The following PRRX2 variants were observed in gnomAD, a reference collection of about 807,000 sequenced individuals.
PRRX2 encodes the protein paired related homeobox 2.
Under a neutral mutation model 18.0 loss-of-function variants are expected in PRRX2, and 11 were observed. The ratio of observed to expected loss-of-function variants is 0.61; its 90% CI spans 0.39 to 1.01. The LOEUF is 1.01. Ranked by LOEUF, PRRX2 falls within the 50% of genes least tolerant of loss-of-function variation. The pLI is 0.01. For missense variants in PRRX2, 387 were observed against 351.0 expected (o/e 1.10, Z -0.82); for synonymous variants, 177 against 154.8 (o/e 1.14, Z -1.06).
chr9:129,693,209 G>T (rs1171344048), intron 1 of PRRX2, among the ~76,000 whole-genome samples: 1 of 152,166 alleles, frequency 6.6e-6, no homozygotes, highest in Non-Finnish European at 1.5e-5. Flanking sequence ...TGAGGTGTCT[G>T]CTCAGGGCTT....
chr9:129,678,889 G>A (rs1029661652), intron 1 of PRRX2, among the ~76,000 whole-genome samples: 28 of 152,182 alleles, frequency 1.8e-4, no homozygotes, highest in African/African-American at 6.8e-4. Context: ...AGCTCGCTGG[G>A]CTGCCCCAGT....
intron 1 of PRRX2, 37 bp downstream of exon 1, chr9:129,666,163 C>T (rs1209995570): frequency 2.1e-5 from 12 of 574,430 alleles, no homozygotes; most frequent in Non-Finnish European, 2.4e-5. Context: ...GTGGCGGGGC[C>T]GGGGCCGGGG....
Position 129,693,007 on chromosome 9 carries a change from T to C in PRRX2, c.260-26224T>C, listed in dbSNP as rs190233916. On this transcript the variant is annotated intron_variant, in intron 1 of 3. Transcript: ENST00000372469. ...CCAAAGTGGCTGTACCATTTCGCAT[T>C]CTCGCCAGCAGTGGATGAGAGTTCC... is the stretch of plus-strand genomic sequence containing the variant. Among the ~76,000 whole-genome samples, 362 of 152,308 alleles carry C rather than the reference T, an allele frequency of 2.4e-3. 1 individual carries two copies. The highest frequency in any genetic ancestry group is 8.3e-3 in the African/African-American group (343 of 41,574).
intron 1 of PRRX2, among the ~76,000 whole-genome samples, chr9:129,712,483 C>G (rs1198406223): frequency 6.6e-6 from 1 of 152,182 alleles, no homozygotes; most frequent in Non-Finnish European, 1.5e-5. Context: ...GGTGGGAACA[C>G]TTGATCATTT....
chr9:129,698,584 A>G (rs61572801), intron 1 of PRRX2, among the ~76,000 whole-genome samples: 3 of 152,248 alleles, frequency 2.0e-5, no homozygotes, highest in South Asian at 2.1e-4. Context: ...ATGCACATCA[A>G]CTCAGAGACT....
At position 129,666,019 on chromosome 9, in the gene PRRX2, C is replaced by T. The variant is rs1407194222; in HGVS notation, c.152C>T (p.Ala51Val). The change falls in exon 1 of 4, where the codon GCG becomes GTG. Residue 51 changes from alanine to valine, a missense_variant. Transcript: ENST00000372469. ...CTCCTGGACCTGGAAGAGGTGGCGG[C>T]GGCCGGGCGGCTGGCGGCGCGCCCC... ...SHLLDLEEVA[A>V]AGRLAARPGA... is the part of the protein sequence containing the mutation. The T allele has an allele frequency of 3.8e-6, 4 of 1,059,826 alleles. No homozygotes were observed. The highest frequency in any genetic ancestry group is 1.7e-5 in the African/African-American group (1 of 58,240). 65.7% of individuals were successfully genotyped at this position (1,059,826 alleles called of 1,614,324 possible). A position where few individuals can be genotyped will look rare whatever the true frequency, so the allele number is the denominator to read the frequency against.
intron 3 of PRRX2, among the ~76,000 whole-genome samples, chr9:129,721,698 G>T (rs1339520328): frequency 6.6e-6 from 1 of 152,130 alleles, no homozygotes; most frequent in East Asian, 1.9e-4. Context: ...TCCTGCCTCA[G>T]CCTCTTGGGT....
intron 1 of PRRX2, among the ~76,000 whole-genome samples, chr9:129,703,681 A>G (rs2130926099): frequency 6.6e-6 from 1 of 152,274 alleles, no homozygotes; most frequent in South Asian, 2.1e-4. Flanking sequence ...AAAAAAGAAA[A>G]AAAATTAAGG....
chr9:129,670,862 C>CCCCTCTCCCCTTCCTTCCCCTT (rs1195257250), intron 1 of PRRX2, among the ~76,000 whole-genome samples: 1 of 152,222 alleles, frequency 6.6e-6, no homozygotes, highest in Non-Finnish European at 1.5e-5. Flanking sequence ...TCCTTCCCCT[C>CCCCTCTCCCCTTCCTTCCCCTT]CCCTCTCCCC....
chr9:129,683,518 G>A (rs752263445), intron 1 of PRRX2, among the ~76,000 whole-genome samples: 18 of 152,086 alleles, frequency 1.2e-4, no homozygotes, highest in African/African-American at 3.1e-4. Flanking sequence ...GGCGGATCAC[G>A]AGGTCAGGAG....
chr9:129,701,728 G>T lies in PRRX2; in HGVS notation c.260-17503G>T, dbSNP rs1359418063. ...AGTCATGTGATAGCTAGATACATGT[G>T]GACATGCAACAAAAAGTATGCAAAG... On this transcript the variant is annotated intron_variant, in intron 1 of 3. Transcript: ENST00000372469. Among the ~76,000 whole-genome samples the T allele has an allele frequency of 2.0e-5, 3 of 152,218 alleles. No individual in the cohort carries two copies. The East Asian group carries it at 5.8e-4, about 29-fold the overall frequency.
chr9:129,708,327 C>T (rs1832581039), intron 1 of PRRX2, among the ~76,000 whole-genome samples: 1 of 152,196 alleles, frequency 6.6e-6, no homozygotes, highest in Admixed American at 6.5e-5. Flanking sequence ...CCTGAGCCAC[C>T]ATGCACGGCC....
intron 1 of PRRX2, among the ~76,000 whole-genome samples, chr9:129,703,073 A>T (rs531615622): frequency 2.0e-5 from 3 of 152,202 alleles, no homozygotes; most frequent in Non-Finnish European, 2.9e-5. Context: ...TTGTGTGAGG[A>T]TGTGATTGGA....
At chr9:129,708,788 T>A (rs1260068423) in intron 1 of PRRX2, among the ~76,000 whole-genome samples, 2 of 152,242 alleles carry the variant, frequency 1.3e-5, no homozygotes, top group African/African-American at 4.8e-5. Flanking sequence ...CTTCAGATCC[T>A]TTTCTGGAGT....
chr9:129,702,212 A>G (rs1832507083), intron 1 of PRRX2, among the ~76,000 whole-genome samples: 1 of 152,036 alleles, frequency 6.6e-6, no homozygotes. Flanking sequence ...CCTGGCTAAC[A>G]CGGTGAAACC....
Position 129,695,573 on chromosome 9 carries a change from G to A in PRRX2, c.260-23658G>A, listed in dbSNP as rs988082594. Among the ~76,000 whole-genome samples the A allele has an allele frequency of 2.0e-5, 3 of 152,138 alleles. No homozygotes were observed. Among genetic ancestry groups the A allele is most frequent in the African/African-American group, 7.2e-5 (3 of 41,418 alleles). On this transcript the variant is annotated intron_variant, in intron 1 of 3. Transcript: ENST00000372469. This position sits in a 1 kb window ranked among gnomAD's most constrained non-coding sequence, Gnocchi z 4.8. ...TTAGCCTGGCACAGAGCTGGGAGCC[G>A]GGCCGGGAGCCCCCAGCTGGCAGGC...
chr9:129,669,890 C>T (rs186421733), intron 1 of PRRX2, among the ~76,000 whole-genome samples: 4 of 151,786 alleles, frequency 2.6e-5, no homozygotes, highest in East Asian at 1.9e-4. Flanking sequence ...GAATGCTGTC[C>T]GGTGGCATTA....
intron 1 of PRRX2, among the ~76,000 whole-genome samples, chr9:129,716,513 G>A (rs1832709971): frequency 6.6e-6 from 1 of 150,558 alleles, no homozygotes; most frequent in Non-Finnish European, 1.5e-5. Flanking sequence ...GGAGTGCAGT[G>A]GTACGGTACC....
chr9:129,681,829 G>A (rs976678542), intron 1 of PRRX2, among the ~76,000 whole-genome samples: 8 of 152,190 alleles, frequency 5.3e-5, no homozygotes, highest in African/African-American at 1.9e-4. Flanking sequence ...CATCTCCTTC[G>A]GCACAGGGAC....
Sources: gnomAD v4.1 joint callset for allele counts (sites outside exome capture counted in the v4.1 genomes callset) on GRCh38, gnomAD v4.1.1 for gene constraint, Gnocchi (gnomAD v3.1) non-coding constraint, MANE v1.5 for transcripts, NCBI Gene and HGNC (gene_info 2026-07-23, HGNC 2026-07-21) for gene names.